The following MAST4 variants were observed in gnomAD, a reference collection of about 807,000 sequenced individuals.
MAST4 encodes the protein microtubule-associated serine/threonine-protein kinase 4.
In MAST4, 89 loss-of-function variants were observed where a neutral mutation model predicts 162.7. The observed-to-expected ratio is 0.55, with a 90% CI of 0.46 to 0.65. The LOEUF (loss-of-function observed/expected upper bound fraction) is 0.65. MAST4 is among the 30% of genes least tolerant of loss of function. MAST4 has a pLI of 0.00. For synonymous variants in MAST4, 1,479 were observed against 1,361.1 expected (o/e 1.09, Z -1.91); for missense variants, 3,153 against 3,374.0 (o/e 0.93, Z 1.62).
chr5:66,687,671 TCTATCTATACGC>T (rs1325974644), intron 1 of MAST4, among the ~76,000 whole-genome samples: 3 of 149,954 alleles, frequency 2.0e-5, no homozygotes, highest in Non-Finnish European at 1.5e-5. Flanking sequence ...TATCTATCTA[TCTATCTATACGC>T]ACCACATTTT....
intron 1 of MAST4, among the ~76,000 whole-genome samples, chr5:66,628,848 G>A (rs1174687836): frequency 6.6e-6 from 1 of 152,116 alleles, no homozygotes; most frequent in Non-Finnish European, 1.5e-5. Context: ...TGGTATTGAG[G>A]TCTGATAAAA....
In MAST4 at chr5:67,166,048, G is replaced by A; in HGVS notation, c.6869G>A (p.Ser2290Asn). The change falls in exon 29 of 29, where the codon AGT becomes AAT. Residue 2290 changes from serine to asparagine, a missense_variant. Coordinates refer to ENST00000403625, the MANE Select transcript of MAST4 (RefSeq NM_001164664.2). ...CTAGACGCCAAGCCACAACCCACCA[G>A]TGGTGGGCGGCCCCTGGAGGTGCTG... ...APLDAKPQPT[S>N]GGRPLEVLEK... 6.2e-7 allele frequency: 1 copy of A among 1,613,842 alleles called. No individual in the cohort carries two copies. Among genetic ancestry groups the A allele is most frequent in the Non-Finnish European group, 8.5e-7 (1 of 1,179,856 alleles).
intron 10 of MAST4, among the ~76,000 whole-genome samples, chr5:67,105,796 C>T (rs546248834): frequency 2.0e-5 from 3 of 152,310 alleles, no homozygotes; most frequent in South Asian, 4.1e-4. Context: ...CAGATGACAT[C>T]GTGGACTGTT....
chr5:67,140,916 C>T (rs760488588), intron 19 of MAST4, among the ~76,000 whole-genome samples: 50 of 152,164 alleles, frequency 3.3e-4, no homozygotes, highest in Non-Finnish European at 6.5e-4. Flanking sequence ...GAATCCATTT[C>T]CCCCCTTTTT....
chr5:66,680,704 G>C (rs536691166), intron 1 of MAST4, among the ~76,000 whole-genome samples: 2 of 152,296 alleles, frequency 1.3e-5, no homozygotes, highest in East Asian at 3.9e-4. Context: ...GCTGAAGCAC[G>C]GGGAGAGGTT....
chr5:67,078,935 T>TATATATATATA (rs1762252805), intron 5 of MAST4, among the ~76,000 whole-genome samples: 2 of 95,874 alleles, frequency 2.1e-5, no homozygotes, highest in African/African-American at 9.4e-5. Flanking sequence ...TATATATATA[T>TATATATATATA]ATATATATAT....
chr5:66,982,504 T>G (rs1338268889), intron 4 of MAST4, among the ~76,000 whole-genome samples: 1 of 152,138 alleles, frequency 6.6e-6, no homozygotes, highest in Non-Finnish European at 1.5e-5. Context: ...TCTATTAGAA[T>G]CTCCTGTTGG....
intron 5 of MAST4, among the ~76,000 whole-genome samples, chr5:67,071,299 G>T (rs776894480): frequency 4.6e-5 from 7 of 152,238 alleles, no homozygotes; most frequent in African/African-American, 1.2e-4. Context: ...GGAATAAAAC[G>T]CATGCTGACC....
At chr5:66,801,904 A>C (rs1755941739) in intron 3 of MAST4, among the ~76,000 whole-genome samples, 1 of 152,232 alleles carries the variant, frequency 6.6e-6, no homozygotes, top group South Asian at 2.1e-4. Context: ...GAAAAGCTGC[A>C]GAATTTATAA....
chr5:66,691,612 C>A (rs1749044234), intron 1 of MAST4, among the ~76,000 whole-genome samples: 1 of 152,146 alleles, frequency 6.6e-6, no homozygotes, highest in Admixed American at 6.5e-5. Flanking sequence ...GATTCATCGT[C>A]TCGTTAGGGC....
chr5:67,118,953 G>C (rs918044340), intron 13 of MAST4, among the ~76,000 whole-genome samples: 7 of 152,176 alleles, frequency 4.6e-5, no homozygotes, highest in African/African-American at 1.7e-4. Context: ...TCCAGTCCCA[G>C]AAGATTTCCC....
At chr5:66,633,806 A>G in intron 1 of MAST4, among the ~76,000 whole-genome samples, 1 of 152,162 alleles carries the variant, frequency 6.6e-6, no homozygotes, top group East Asian at 1.9e-4. Flanking sequence ...TTGCTGGACC[A>G]GTTCAGCCTA....
intron 1 of MAST4, among the ~76,000 whole-genome samples, chr5:66,669,331 T>TA (rs981503245): frequency 8.5e-5 from 13 of 152,200 alleles, no homozygotes; most frequent in Admixed American, 8.5e-4. Context: ...GGGTGTACCC[T>TA]ATGCGTATTT....
chr5:67,101,119 G>A (rs957343566), intron 8 of MAST4, among the ~76,000 whole-genome samples: 2 of 152,194 alleles, frequency 1.3e-5, no homozygotes, highest in African/African-American at 4.8e-5. Context: ...CAGTTTTACT[G>A]TGAGTTTGTT....
Position 67,136,580 on chromosome 5 carries a change from G to T in MAST4, c.2410G>T (p.Glu804Ter). ...QVISDEINWP[E>*]KDEAPPPDAQ... ...CCTTCTAGATGAGATCAACTGGCCT[G>T]AGAAGGATGAGGCACCCCCACCTGA... is the stretch of plus-strand genomic sequence containing the variant. The change falls in exon 19 of 29, where the codon GAG becomes TAG. Residue 804 changes from glutamate (E) to a stop codon, truncating the protein, a stop_gained. Transcript: ENST00000403625. LOFTEE classifies it high-confidence loss of function. 6.2e-7 allele frequency: 1 copy of T among 1,604,594 alleles called. No homozygotes were observed. Among genetic ancestry groups the T allele is most frequent in the East Asian group, 2.2e-5 (1 of 44,626 alleles).
chr5:67,074,983 T>A (rs1761435879), intron 5 of MAST4, among the ~76,000 whole-genome samples: 1 of 152,132 alleles, frequency 6.6e-6, no homozygotes, highest in South Asian at 2.1e-4. Context: ...TAAACAGTTT[T>A]ATGTGTAGCG....
At chr5:67,123,756 A>G (rs1178125973) in intron 14 of MAST4, among the ~76,000 whole-genome samples, 1 of 152,218 alleles carries the variant, frequency 6.6e-6, no homozygotes, top group Non-Finnish European at 1.5e-5. Flanking sequence ...TTTTAAAAGT[A>G]AAAAACTAAT....
chr5:66,695,442 G>A (rs1362737588), intron 1 of MAST4, among the ~76,000 whole-genome samples: 2 of 152,158 alleles, frequency 1.3e-5, no homozygotes, highest in African/African-American at 4.8e-5. Flanking sequence ...TTGAAGTCGG[G>A]TAGCATGATC....
At chr5:67,158,173 A>G (rs550060808) in intron 26 of MAST4, among the ~76,000 whole-genome samples, 2 of 152,332 alleles carry the variant, frequency 1.3e-5, no homozygotes, top group Middle Eastern at 3.4e-3. Flanking sequence ...AAAAACCTTC[A>G]GTGGTAGACC....
Sources: allele counts gnomAD v4.1 joint callset (sites outside exome capture counted in the v4.1 genomes callset), GRCh38; gene constraint gnomAD v4.1.1; transcripts MANE v1.5; gene names NCBI Gene and HGNC (gene_info 2026-07-23, HGNC 2026-07-21).